Variants in GLYAT observed in about 807,000 individuals in gnomAD.
GLYAT encodes glycine-N-acyltransferase.
A neutral mutation model predicts 22.8 loss-of-function variants in GLYAT; 25 were observed. The observed-to-expected ratio is 1.09, with a 90% CI of 0.80 to 1.53. The LOEUF is 1.53. Ranked by LOEUF, GLYAT falls within the 40% of genes most tolerant of loss-of-function variation. GLYAT has a pLI of 0.00. For synonymous variants in GLYAT, 140 were observed against 122.7 expected, an observed-to-expected ratio of 1.14 and a Z score of -0.93; for missense variants, 411 against 353.9, an observed-to-expected ratio of 1.16 and a Z score of -1.29.
rs544354883 is a variant in GLYAT, at chr11:58,720,669, T to C, written c.81+3747A>G. ...GGATTAGAAGTTATGGTGATCTTAC[T>C]AAATTAAAGATGCAGCTATTTTCAT... On this transcript the variant is annotated intron_variant, in intron 2 of 5. Coordinates refer to ENST00000344743, the MANE Select transcript of GLYAT (RefSeq NM_201648.3). Among the ~76,000 whole-genome samples, 15 of 152,202 alleles carry C rather than the reference T, an allele frequency of 9.9e-5. No homozygotes were observed. The South Asian group carries it at 3.1e-3, about 31-fold the overall frequency.
At chr11:58,720,007 T>C (rs1485341758) in intron 2 of GLYAT, among the ~76,000 whole-genome samples, 1 of 151,980 alleles carries the variant, frequency 6.6e-6, no homozygotes, top group Non-Finnish European at 1.5e-5. Flanking sequence ...TAGGATTAAA[T>C]TTACCACACA....
At position 58,710,880 on chromosome 11, in the gene GLYAT, C is replaced by A. The variant is rs893270926; in HGVS notation, c.317-119G>T. On this transcript the variant is annotated intron_variant, in intron 4 of 5. Transcript: ENST00000344743. ...TAAAATCTTGGTTCTGGGCTTGGTG[C>A]TACCACTGTGTGACCCATGTCAATA... 23 of 661,398 alleles carry A rather than the reference C, an allele frequency of 3.5e-5. 1 individual carries two copies. In the South Asian group the frequency reaches 3.5e-4, roughly 10 times the overall value. 41.0% of individuals were successfully genotyped at this position (661,398 alleles called of 1,614,324 possible). A position where few individuals can be genotyped will look rare whatever the true frequency, so the allele number is the denominator to read the frequency against.
chr11:58,719,821 A>T (rs1280592561), intron 2 of GLYAT, among the ~76,000 whole-genome samples: 1 of 152,026 alleles, frequency 6.6e-6, no homozygotes, highest in Non-Finnish European at 1.5e-5. Context: ...TAATTAAAAA[A>T]TTTTATCTCA....
At chr11:58,722,199 G>A (rs1286066525) in intron 2 of GLYAT, among the ~76,000 whole-genome samples, 1 of 151,994 alleles carries the variant, frequency 6.6e-6, no homozygotes, top group Admixed American at 6.6e-5. Flanking sequence ...CTGGTACCAA[G>A]CACCGATAGG....
At chr11:58,728,053 CTTTTTTTTTTTTT>C (rs1173955703) in intron 1 of GLYAT, among the ~76,000 whole-genome samples, 5 of 68,680 alleles carry the variant, frequency 7.3e-5, no homozygotes, top group East Asian at 4.2e-4. Context: ...TGCTCTAAAG[CTTTTTTTTTTTTT>C]TTTTTTTTTT....
At chr11:58,712,738 A>T in intron 4 of GLYAT, 22 bp downstream of exon 4, 1 of 1,609,838 alleles carries the variant, frequency 6.2e-7, no homozygotes, top group South Asian at 1.1e-5. Flanking sequence ...GAGTCAGCAC[A>T]CATCCCATTC....
At position 58,709,724 on chromosome 11, in the gene GLYAT, C is replaced by T. The variant is rs187441162; in HGVS notation, c.*42G>A. 542 of 1,544,956 alleles carry T rather than the reference C, an allele frequency of 3.5e-4. No homozygotes were observed. Among genetic ancestry groups the T allele is most frequent in the East Asian group, 2.7e-3 (118 of 44,214 alleles). On this transcript the variant is annotated 3_prime_UTR_variant, in exon 6 of 6. Coordinates refer to ENST00000344743, the MANE Select transcript of GLYAT (RefSeq NM_201648.3). ...TCCACCATCCACTCCTCAAATTATACGCCCAGACCTGCCCAACACTGTCTT... is the reference window on the plus strand; with the variant it reads ...TCCACCATCCACTCCTCAAATTATATGCCCAGACCTGCCCAACACTGTCTT...
At chr11:58,714,537 A>G (rs1411361889) in intron 3 of GLYAT, among the ~76,000 whole-genome samples, 1 of 152,126 alleles carries the variant, frequency 6.6e-6, no homozygotes, top group African/African-American at 2.4e-5. Flanking sequence ...CTGTGTCCCC[A>G]CCCAAATCTC....
intron 2 of GLYAT, among the ~76,000 whole-genome samples, chr11:58,716,816 G>C (rs1398494360): frequency 6.6e-6 from 1 of 152,074 alleles, no homozygotes; most frequent in Non-Finnish European, 1.5e-5. Context: ...CATGCCCAAG[G>C]TGGCTGGGCA....
At chr11:58,721,483 C>A (rs2134490697) in intron 2 of GLYAT, among the ~76,000 whole-genome samples, 1 of 150,954 alleles carries the variant, frequency 6.6e-6, no homozygotes, top group South Asian at 2.1e-4. Context: ...CAAAACAAAA[C>A]AAAAAAACTT....
intron 2 of GLYAT, among the ~76,000 whole-genome samples, chr11:58,716,505 A>C (rs1856682294): frequency 6.6e-6 from 1 of 152,260 alleles, no homozygotes; most frequent in East Asian, 1.9e-4. Flanking sequence ...TGGAGGCTTA[A>C]TATAGAAATT....
intron 2 of GLYAT, among the ~76,000 whole-genome samples, chr11:58,720,506 T>G (rs893860865): frequency 2.6e-5 from 4 of 152,036 alleles, no homozygotes; most frequent in African/African-American, 9.7e-5. Flanking sequence ...CAAGCTGTCC[T>G]CATTCATTCC....
chr11:58,710,250 G>C, intron 5 of GLYAT, 82 bp from the exon 6 acceptor site: 1 of 1,499,318 alleles, frequency 6.7e-7, no homozygotes, highest in Non-Finnish European at 8.9e-7. Flanking sequence ...TTGAGAGACA[G>C]AGTAGACAGA....
At chr11:58,728,861 A>T (rs954013551) in intron 1 of GLYAT, 14 of 93,612 alleles carry the variant, frequency 1.5e-4, no homozygotes, top group African/African-American at 5.8e-4. Flanking sequence ...GAAGAAAGAA[A>T]GAAAGAAAGA....
Position 58,708,958 on chromosome 11 carries a change from A to G in GLYAT, c.*808T>C, listed in dbSNP as rs918728376. 14 of 152,040 alleles carry G rather than the reference A, an allele frequency of 9.2e-5. No homozygotes were observed. Among genetic ancestry groups the G allele is most frequent in the East Asian group, 1.9e-4 (1 of 5,176 alleles). 9.4% of individuals were successfully genotyped at this position (152,040 alleles called of 1,614,324 possible). A position where few individuals can be genotyped will look rare whatever the true frequency, so the allele number is the denominator to read the frequency against. ...AACTCCTATCTCTCCTCAATAAACC[A>G]TCACATCCCTGGGTCAAGGTGCTCC... On this transcript the variant is annotated 3_prime_UTR_variant, in exon 6 of 6. Transcript: ENST00000344743.
intron 2 of GLYAT, among the ~76,000 whole-genome samples, chr11:58,721,882 T>A (rs1328301129): frequency 2.0e-5 from 3 of 151,968 alleles, no homozygotes; most frequent in Non-Finnish European, 1.5e-5. Flanking sequence ...CTCCTTTCAA[T>A]TTGTCCAAGA....
At chr11:58,725,705 G>A (rs1856804425) in intron 1 of GLYAT, among the ~76,000 whole-genome samples, 1 of 152,142 alleles carries the variant, frequency 6.6e-6, no homozygotes, top group African/African-American at 2.4e-5. Context: ...AAGAAGTAAA[G>A]TGCATTTGGA....
chr11:58,726,241 T>C (rs1856810762), intron 1 of GLYAT, among the ~76,000 whole-genome samples: 1 of 152,138 alleles, frequency 6.6e-6, no homozygotes, highest in South Asian at 2.1e-4. Flanking sequence ...CCTGACTATC[T>C]ACCTTGTGTA....
chr11:58,727,267 C>T (rs984704707), intron 1 of GLYAT, among the ~76,000 whole-genome samples: 2 of 152,084 alleles, frequency 1.3e-5, no homozygotes, highest in African/African-American at 4.8e-5. Context: ...CAAGGGAGCT[C>T]TTATCTTTGC....
Sources: gnomAD v4.1 joint callset for allele counts (sites outside exome capture counted in the v4.1 genomes callset) on GRCh38, gnomAD v4.1.1 for gene constraint, MANE v1.5 for transcripts, NCBI Gene and HGNC (gene_info 2026-07-23, HGNC 2026-07-21) for gene names.